The following CPNE9 variants were observed in gnomAD, a reference collection of about 807,000 sequenced individuals.
CPNE9 encodes the protein copine family member 9, also known as copine-9.
In CPNE9, 59 loss-of-function variants were observed where a neutral mutation model predicts 83.0. That is an observed-to-expected ratio of 0.71 (90% CI 0.58 to 0.88). The LOEUF (loss-of-function observed/expected upper bound fraction) is 0.88, where lower values mean the gene tolerates loss of function less well. Ranked by LOEUF, CPNE9 falls within the 40% of genes least tolerant of loss-of-function variation. The pLI is 0.00. For missense variants in CPNE9, 619 were observed against 720.8 expected (o/e 0.86, Z 1.62); for synonymous variants, 256 against 273.4 (o/e 0.94, Z 0.63).
intron 15 of CPNE9, among the ~76,000 whole-genome samples, chr3:9,717,328 T>C (rs574197794): frequency 1.3e-5 from 2 of 152,028 alleles, no homozygotes; most frequent in Non-Finnish European, 2.9e-5. Context: ...AGTAGGCTGA[T>C]GGATGAGAGA....
chr3:9,706,088 G>C (rs752458726), intron 7 of CPNE9, 25 bp downstream of exon 7: 5 of 1,609,060 alleles, frequency 3.1e-6, no homozygotes, highest in Non-Finnish European at 3.4e-6. Flanking sequence ...AAGGGGTGTG[G>C]GAGTGGGGTG....
intron 17 of CPNE9, among the ~76,000 whole-genome samples, chr3:9,725,686 A>ATATATG (rs767348050): frequency 0.088 from 11,595 of 132,492 alleles, 1,671 homozygotes; most frequent in African/African-American, 0.29. Flanking sequence ...GTATATATAT[A>ATATATG]TACATATATG....
In CPNE9 at chr3:9,706,058, C is replaced by T; in HGVS notation, c.372C>T (p.Thr124=). The T allele has an allele frequency of 6.2e-7, 1 of 1,613,330 alleles. No homozygotes were observed. Among genetic ancestry groups the T allele is most frequent in the Non-Finnish European group, 8.5e-7 (1 of 1,179,948 alleles). ...GCCAGGGCAGCCGAGTAGAGCGAAC[C>T]CTCACGTAAGCTGAATAGGAAGGGG... is the stretch of plus-strand genomic sequence containing the variant. The part of the protein sequence containing the change: ...IGGQGSRVER[T]LTGVPGKKCG... The change falls in exon 7 of 21, where the codon ACC becomes ACT. Residue 124 remains threonine, a synonymous_variant. Transcript: ENST00000383832.
Position 9,705,645 on chromosome 3 carries a change from G to A in CPNE9, c.298-73G>A. On this transcript the variant is annotated intron_variant, in intron 5 of 20. Transcript: ENST00000383832. Reference sequence around the variant, plus strand: ...CCACCCTCCTGGTCCCTCTCCTCCTGCCTGAGTGTCCTGCCTGTGCCCCCT... The same window carrying A: ...CCACCCTCCTGGTCCCTCTCCTCCTACCTGAGTGTCCTGCCTGTGCCCCCT... The A allele has an allele frequency of 2.5e-6, 4 of 1,595,298 alleles. No individual in the cohort carries two copies. The South Asian group carries it at 3.3e-5, about 13-fold the overall frequency.
intron 20 of CPNE9, chr3:9,727,526 A>G: frequency 3.0e-6 from 2 of 664,992 alleles, no homozygotes; most frequent in African/African-American, 1.8e-5. Flanking sequence ...GGGACCTAAC[A>G]TAGGTACAGT....
intron 13 of CPNE9, 58 bp downstream of exon 13, chr3:9,715,584 A>G: frequency 7.0e-7 from 1 of 1,433,858 alleles, no homozygotes; most frequent in East Asian, 2.3e-5. Context: ...GTCCCCATTG[A>G]CACAGCATGG....
At chr3:9,722,220 C>T (rs917799350) in intron 17 of CPNE9, among the ~76,000 whole-genome samples, 5 of 151,960 alleles carry the variant, frequency 3.3e-5, no homozygotes, top group African/African-American at 4.8e-5. Flanking sequence ...CCACTGTCCC[C>T]GGCCATAAAA....
At chr3:9,709,844 A>G (rs1025212249) in intron 7 of CPNE9, among the ~76,000 whole-genome samples, 11 of 151,802 alleles carry the variant, frequency 7.2e-5, no homozygotes, top group African/African-American at 2.4e-4. Context: ...ACAAAAATTA[A>G]CTGGGCATGG....
At chr3:9,725,087 T>A (rs1415409974) in intron 17 of CPNE9, among the ~76,000 whole-genome samples, 1 of 152,124 alleles carries the variant, frequency 6.6e-6, no homozygotes, top group East Asian at 1.9e-4. Flanking sequence ...CATAGCAGTG[T>A]CCCTTCCATC....
At chr3:9,705,419 T>TCCCGC in intron 4 of CPNE9, 45 bp from the exon 5 acceptor site, 1 of 662,642 alleles carries the variant, frequency 1.5e-6, no homozygotes, top group Non-Finnish European at 2.7e-6. Flanking sequence ...TTCCACCCTC[T>TCCCGC]CCCCCACCCA....
rs765876504 is a variant in CPNE9, at chr3:9,729,661, C to T, written c.1631C>T (p.Pro544Leu). 3 of 1,613,788 alleles carry T rather than the reference C, an allele frequency of 1.9e-6. No homozygotes were observed. In the African/African-American group the frequency reaches 4.0e-5, roughly 22 times the overall value. ...IQPRPPPPAN[P>L]SPIPAPEQP Reference sequence around the variant, plus strand: ...CCTCGGCCCCCACCCCCTGCCAACCCCAGCCCGATCCCAGCTCCAGAGCAG... The same window carrying T: ...CCTCGGCCCCCACCCCCTGCCAACCTCAGCCCGATCCCAGCTCCAGAGCAG... The change falls in exon 21 of 21, where the codon CCC (proline) becomes CTC (leucine). Residue 544 changes from proline to leucine, a missense_variant. Around this residue, in one of 3 missense-constraint regions of CPNE9, gnomAD observed 51 missense variants for 40.4 expected, o/e 1.26. Coordinates refer to ENST00000383832, the MANE Select transcript of CPNE9 (RefSeq NM_153635.3).
chr3:9,714,496 CT>C (rs1287430154), intron 10 of CPNE9, among the ~76,000 whole-genome samples: 3,240 of 143,650 alleles, frequency 0.023, 103 homozygotes, highest in African/African-American at 0.071. Flanking sequence ...AGCCAAATTA[CT>C]TTTTTTTTTT....
chr3:9,709,091 T>C (rs2076595888), intron 7 of CPNE9, among the ~76,000 whole-genome samples: 1 of 149,988 alleles, frequency 6.7e-6, no homozygotes, highest in African/African-American at 2.4e-5. Flanking sequence ...CTGGCCAAAA[T>C]AGTGAAATCC....
intron 17 of CPNE9, among the ~76,000 whole-genome samples, chr3:9,721,050 C>T (rs539163460): frequency 6.6e-6 from 1 of 152,278 alleles, no homozygotes; most frequent in Admixed American, 6.5e-5. Flanking sequence ...TATAGGTGTT[C>T]GCTATTACTG....
At chr3:9,713,827 T>G (rs1014038751) in intron 10 of CPNE9, among the ~76,000 whole-genome samples, 2 of 151,900 alleles carry the variant, frequency 1.3e-5, no homozygotes, top group Non-Finnish European at 2.9e-5. Flanking sequence ...ATCCCAGCAC[T>G]TTGGGAGGCC....
chr3:9,706,056 A>C lies in CPNE9; in HGVS notation c.370A>C (p.Thr124Pro). 6.2e-7 allele frequency: 1 copy of C among 1,613,186 alleles called. No individual in the cohort carries two copies. The highest frequency in any genetic ancestry group is 8.5e-7 in the Non-Finnish European group (1 of 1,179,904). Residue 124 changes from threonine to proline, a missense_variant, in exon 7 of 21, where the codon ACC (threonine) becomes CCC (proline). By Grantham distance (38) the Thr-to-Pro change is conservative. Transcript: ENST00000383832. ...IGGQGSRVER[T>P]LTGVPGKKCG... The stretch of plus-strand genomic sequence containing the variant: ...AGGCCAGGGCAGCCGAGTAGAGCGA[A>C]CCCTCACGTAAGCTGAATAGGAAGG...
At position 9,718,636 on chromosome 3, in the gene CPNE9, G is replaced by A. The variant is rs763483024; in HGVS notation, c.1241+34G>A. 5.0e-6 allele frequency: 8 copies of A among 1,606,192 alleles called. No individual in the cohort carries two copies. The East Asian group carries it at 9.0e-5, about 18-fold the overall frequency. Reference sequence around the variant, plus strand: ...ACTGGGTGGAAGCTGGGGGAAATGAGGGGACCCACATAAGGGATTGACCCC... The same window carrying A: ...ACTGGGTGGAAGCTGGGGGAAATGAAGGGACCCACATAAGGGATTGACCCC... On this transcript the variant is annotated intron_variant, in intron 17 of 20. Transcript: ENST00000383832.
In CPNE9 at chr3:9,726,051, CGTGA is replaced by C; in HGVS notation, c.1344+3_1344+6del. ...CGCAGACCAAGGAGGCCATCGTCAGCGTGAGTCTGAGGAGGAGGGCTTGGCAGGG... is the reference window on the plus strand; with the variant it reads ...CGCAGACCAAGGAGGCCATCGTCAGCGTCTGAGGAGGAGGGCTTGGCAGGG... On this transcript the variant is annotated splice_donor_variant and splice_donor_region_variant and intron_variant, in intron 18 of 20. Coordinates refer to ENST00000383832, the MANE Select transcript of CPNE9 (RefSeq NM_153635.3). LOFTEE classifies it high-confidence loss of function. The C allele has an allele frequency of 6.3e-7, 1 of 1,589,730 alleles. No homozygotes were observed. Among genetic ancestry groups the C allele is most frequent in the Non-Finnish European group, 8.6e-7 (1 of 1,164,824 alleles).
At chr3:9,708,679 C>T (rs1244984559) in intron 7 of CPNE9, among the ~76,000 whole-genome samples, 1 of 150,694 alleles carries the variant, frequency 6.6e-6, no homozygotes. Context: ...TGTCACCCAG[C>T]TGGAGTGCAG....
Sources: gnomAD v4.1 joint callset for allele counts (sites outside exome capture counted in the v4.1 genomes callset) on GRCh38, gnomAD v4.1.1 for gene constraint, gnomAD v4.1.1 regional missense constraint, MANE v1.5 for transcripts, NCBI Gene and HGNC (gene_info 2026-07-23, HGNC 2026-07-21) for gene names.